The following NCF2 variants were observed in gnomAD, a reference collection of about 807,000 sequenced individuals.
NCF2 encodes neutrophil cytosol factor 2.
In NCF2, 45 loss-of-function variants were observed where a neutral mutation model predicts 70.9. That is an observed-to-expected ratio of 0.63 (90% confidence interval 0.50 to 0.81). NCF2 has a LOEUF of 0.81. Among genes scored for constraint, NCF2 ranks in the 40% least tolerant of loss-of-function variants. The pLI is 0.00. For synonymous variants in NCF2, 203 were observed against 233.6 expected (o/e 0.87, Z 1.19); for missense variants, 522 against 631.6 (o/e 0.83, Z 1.86).
chr1:183,574,245 G>T (rs1442627469), intron 4 of NCF2, among the ~76,000 whole-genome samples: 2 of 152,174 alleles, frequency 1.3e-5, no homozygotes, highest in East Asian at 1.9e-4. Flanking sequence ...CTGTTCTCCT[G>T]CATTGCCAAG....
intron 11 of NCF2, 45 bp downstream of exon 11, chr1:183,563,960 A>G (rs760087406): frequency 3.2e-6 from 5 of 1,567,908 alleles, no homozygotes; most frequent in African/African-American, 2.7e-5. Flanking sequence ...AGCCCAAGCT[A>G]TCCCATCTTC....
chr1:183,579,338 C>A (rs574318520), intron 2 of NCF2, among the ~76,000 whole-genome samples: 2 of 152,306 alleles, frequency 1.3e-5, no homozygotes, highest in East Asian at 3.9e-4. Flanking sequence ...GGAGTCAAAA[C>A]CACCTGGTTT....
chr1:183,574,304 C>T (rs764967944), intron 4 of NCF2, among the ~76,000 whole-genome samples, 183 bp downstream of exon 4: 4 of 152,188 alleles, frequency 2.6e-5, no homozygotes, highest in Admixed American at 2.6e-4. Flanking sequence ...CCATCCCATA[C>T]TCTAGGCCTC....
intron 2 of NCF2, among the ~76,000 whole-genome samples, chr1:183,578,384 G>T (rs1434592426): frequency 1.3e-5 from 2 of 151,092 alleles, no homozygotes; most frequent in African/African-American, 4.9e-5. Context: ...TTGAGACAGG[G>T]TCTCACTGTA....
intron 2 of NCF2, among the ~76,000 whole-genome samples, chr1:183,585,430 C>T (rs1368744867): frequency 1.3e-5 from 2 of 151,974 alleles, no homozygotes; most frequent in Non-Finnish European, 2.9e-5. Flanking sequence ...TCGAGACCAG[C>T]GTGGCCAACA....
chr1:183,589,135 C>T (rs747282867), intron 1 of NCF2, among the ~76,000 whole-genome samples: 16 of 152,216 alleles, frequency 1.1e-4, no homozygotes, highest in South Asian at 4.1e-4. Context: ...ACTTCTCTGT[C>T]TTCCTGTCAG....
At chr1:183,595,539 C>A (rs750280877), upstream of NCF2, among the ~76,000 whole-genome samples, 2 of 152,144 alleles carry the variant, frequency 1.3e-5, no homozygotes, top group African/African-American at 2.4e-5. Flanking sequence ...AGGCTGAGAT[C>A]GAGGTGTTAT....
intron 9 of NCF2, among the ~76,000 whole-genome samples, chr1:183,566,701 T>TG (rs1293962481): frequency 6.6e-6 from 1 of 152,236 alleles, no homozygotes; most frequent in Non-Finnish European, 1.5e-5. Context: ...GTGGGCCCAA[T>TG]GGGACCTACA....
At chr1:183,575,185 A>G (rs1259771257) in intron 3 of NCF2, among the ~76,000 whole-genome samples, 2 of 152,338 alleles carry the variant, frequency 1.3e-5, no homozygotes, top group East Asian at 3.9e-4. Flanking sequence ...ATGTAGCAAC[A>G]CAGGCCAGGC....
At chr1:183,599,972 T>C in the NCF2 span, among the ~76,000 whole-genome samples, 3 of 152,246 alleles carry the variant, frequency 2.0e-5, no homozygotes. Flanking sequence ...CTAAATATTA[T>C]GTTCACTGAA....
chr1:183,558,640 A>G (rs1671902059), intron 14 of NCF2, among the ~76,000 whole-genome samples: 2 of 152,010 alleles, frequency 1.3e-5, no homozygotes, highest in Admixed American at 6.5e-5. Context: ...ATCTCGGCTC[A>G]CTGCAACCTC....
At chr1:183,568,749 C>T (rs1392595858) in intron 7 of NCF2, among the ~76,000 whole-genome samples, 1 of 151,340 alleles carries the variant, frequency 6.6e-6, no homozygotes, top group East Asian at 1.9e-4. Flanking sequence ...CGAAACCGAT[C>T]TCCAACCTGA....
chr1:183,592,238 G>T (rs1443760916), upstream of NCF2, among the ~76,000 whole-genome samples: 2 of 152,216 alleles, frequency 1.3e-5, no homozygotes, highest in Non-Finnish European at 2.9e-5. Flanking sequence ...TTGAAGGTGT[G>T]AGAATTAAGA....
chr1:183,599,487 T>TC, the NCF2 span, among the ~76,000 whole-genome samples: 5 of 150,340 alleles, frequency 3.3e-5, no homozygotes, highest in African/African-American at 9.9e-5. Context: ...TCTTTCTCTT[T>TC]TCTTTCTTTC....
At chr1:183,557,592 TTC>T (rs761534825) in intron 14 of NCF2, among the ~76,000 whole-genome samples, 34 of 152,244 alleles carry the variant, frequency 2.2e-4, no homozygotes, top group Non-Finnish European at 4.3e-4. Flanking sequence ...GACCGCTAAA[TTC>T]TGTTTTCTGT....
intron 7 of NCF2, among the ~76,000 whole-genome samples, chr1:183,567,952 G>T (rs889919404): frequency 1.3e-5 from 2 of 152,186 alleles, no homozygotes; most frequent in East Asian, 3.9e-4. Flanking sequence ...GGCTCTGATT[G>T]GCATCACTTT....
chr1:183,598,719 G>A, the NCF2 span, among the ~76,000 whole-genome samples: 1 of 152,206 alleles, frequency 6.6e-6, no homozygotes, highest in Non-Finnish European at 1.5e-5. Flanking sequence ...AAACTGCTCA[G>A]CTCCTATTTT....
chr1:183,597,605 C>T, the NCF2 span, among the ~76,000 whole-genome samples: 2 of 152,174 alleles, frequency 1.3e-5, no homozygotes, highest in East Asian at 3.8e-4. Flanking sequence ...TCAACTCTTG[C>T]CCACCCGTCT....
In NCF2 at chr1:183,555,611, TATAAGGTTACTTC is replaced by T. The variant is rs1186946198; in HGVS notation, c.*494_*506del. ...ATTTGTATATGCCTTATGAGTAACC[TATAAGGTTACTTC>T]AAGCCTTAAGAGCCAATTACAGTAA... On this transcript the variant is annotated 3_prime_UTR_variant, in exon 15 of 15. Transcript: ENST00000367535. 1.2e-5 allele frequency: 2 copies of T among 169,796 alleles called. No homozygotes were observed. The highest frequency in any genetic ancestry group is 4.8e-5 in the African/African-American group (2 of 41,690). 10.5% of individuals were successfully genotyped at this position (169,796 alleles called of 1,614,324 possible).
Sources: gnomAD v4.1 joint callset for allele counts (sites outside exome capture counted in the v4.1 genomes callset) on GRCh38, gnomAD v4.1.1 for gene constraint, MANE v1.5 for transcripts, NCBI Gene and HGNC (gene_info 2026-07-23, HGNC 2026-07-21) for gene names.